The following TMEFF1 variants were observed in gnomAD, a reference collection of about 807,000 sequenced individuals.
The protein encoded by TMEFF1 is tomoregulin-1.
Under a neutral mutation model 47.5 loss-of-function variants are expected in TMEFF1, and 20 were observed. The observed-to-expected ratio is 0.42, with a 90% CI of 0.30 to 0.61. The LOEUF is 0.61. TMEFF1 is among the 20% of genes least tolerant of loss of function. The pLI, the probability that TMEFF1 is intolerant of heterozygous loss-of-function variation, is 0.19. For missense variants in TMEFF1, 411 were observed against 471.1 expected, an observed-to-expected ratio of 0.87 and a Z score of 1.18; for synonymous variants, 162 against 166.3, an observed-to-expected ratio of 0.97 and a Z score of 0.20.
rs376310161 is a variant in TMEFF1, at chr9:100,561,503, T to A, written c.882T>A (p.Thr294=). The A allele has an allele frequency of 6.2e-7, 1 of 1,612,972 alleles. No homozygotes were observed. Among genetic ancestry groups the A allele is most frequent in the African/African-American group, 1.3e-5 (1 of 74,998 alleles). The change falls in exon 8 of 10, where the codon ACT becomes ACA. Residue 294 remains threonine (T), a synonymous_variant. Coordinates refer to ENST00000374879, the MANE Select transcript of TMEFF1 (RefSeq NM_003692.5). The part of the protein sequence containing the change: ...IHGKCEFIYS[T]QKASCRCESG... The stretch of plus-strand genomic sequence containing the variant: ...GAAAATGTGAATTCATCTATTCTAC[T>A]CAGAAGGCTTCTTGTAGGTAAGTCA...
At position 100,473,326 on chromosome 9, in the gene TMEFF1, C is replaced by T; in HGVS notation, c.-219C>T. Reference sequence around the variant, plus strand: ...CCTCGCGCGCACCCTTGCGCGCCCGCGACCCTCGCACGCGCCCGGACCCGC... The same window carrying T: ...CCTCGCGCGCACCCTTGCGCGCCCGTGACCCTCGCACGCGCCCGGACCCGC... On this transcript the variant is annotated 5_prime_UTR_variant, in exon 1 of 10. Transcript: ENST00000374879. This position sits in a 1 kb window ranked among gnomAD's most constrained non-coding sequence, Gnocchi z 5.4. 4.9e-6 allele frequency: 1 copy of T among 203,960 alleles called. No individual in the cohort carries two copies. Among genetic ancestry groups the T allele is most frequent in the Non-Finnish European group, 9.4e-6 (1 of 106,330 alleles). The allele number at this position is 203,960 out of a possible 1,614,324, so 12.6% of individuals were successfully genotyped here.
intron 1 of TMEFF1, among the ~76,000 whole-genome samples, chr9:100,490,116 G>A (rs954251264): frequency 6.6e-6 from 1 of 152,138 alleles, no homozygotes; most frequent in African/African-American, 2.4e-5. Context: ...TATGCAAAAT[G>A]GAATGAAAAA....
intron 8 of TMEFF1, among the ~76,000 whole-genome samples, chr9:100,564,345 G>A (rs1564028685): frequency 6.6e-6 from 1 of 152,188 alleles, no homozygotes; most frequent in African/African-American, 2.4e-5. Context: ...AAAGTGCTGG[G>A]ATTACAGGCA....
chr9:100,562,181 G>A (rs751797201), intron 8 of TMEFF1, among the ~76,000 whole-genome samples: 1 of 152,104 alleles, frequency 6.6e-6, no homozygotes, highest in Admixed American at 6.5e-5. Context: ...TTAGCCAGGT[G>A]ATGTTTCTAT....
At chr9:100,507,850 T>C (rs1373453195) in intron 2 of TMEFF1, among the ~76,000 whole-genome samples, 1 of 152,218 alleles carries the variant, frequency 6.6e-6, no homozygotes, top group African/African-American at 2.4e-5. Flanking sequence ...CTGTTGGAAA[T>C]GGCTGTAATA....
intron 8 of TMEFF1, among the ~76,000 whole-genome samples, chr9:100,568,183 A>G (rs978765837): frequency 5.9e-5 from 9 of 152,184 alleles, no homozygotes; most frequent in African/African-American, 2.2e-4. Context: ...TCCAGGGAGA[A>G]CTGCAGGGAT....
chr9:100,486,545 A>G (rs141634732), intron 1 of TMEFF1, among the ~76,000 whole-genome samples: 34 of 152,338 alleles, frequency 2.2e-4, no homozygotes, highest in African/African-American at 6.3e-4. Context: ...CCCGGCCTGA[A>G]CTTTTAAAAA....
chr9:100,556,706 C>T (rs1409320049), intron 7 of TMEFF1, among the ~76,000 whole-genome samples: 1 of 152,110 alleles, frequency 6.6e-6, no homozygotes, highest in Non-Finnish European at 1.5e-5. Flanking sequence ...CTCCAAGGAC[C>T]CTTCCAGATC....
intron 5 of TMEFF1, among the ~76,000 whole-genome samples, chr9:100,541,407 A>C (rs1392666178): frequency 7.8e-6 from 1 of 127,488 alleles, no homozygotes; most frequent in Non-Finnish European, 1.6e-5. Flanking sequence ...GGAGTCTTAC[A>C]CTGTTGCCCA....
chr9:100,522,561 C>CGG (rs1457101003), intron 5 of TMEFF1, among the ~76,000 whole-genome samples: 1 of 151,030 alleles, frequency 6.6e-6, no homozygotes, highest in Non-Finnish European at 1.5e-5. Context: ...CTCAGCCTCC[C>CGG]AAGGAGCTGG....
chr9:100,502,704 C>T (rs1837787031), intron 2 of TMEFF1, among the ~76,000 whole-genome samples: 1 of 152,150 alleles, frequency 6.6e-6, no homozygotes, highest in East Asian at 1.9e-4. Context: ...CCCTGAAACT[C>T]TAAGATTATA....
chr9:100,476,408 T>A (rs935973846), intron 1 of TMEFF1, among the ~76,000 whole-genome samples: 63 of 152,162 alleles, frequency 4.1e-4, no homozygotes, highest in Non-Finnish European at 8.8e-4. Context: ...CATGTTTTTT[T>A]TTTTGAGATG....
chr9:100,489,864 C>G (rs1350915857), intron 1 of TMEFF1, among the ~76,000 whole-genome samples: 2 of 152,152 alleles, frequency 1.3e-5, no homozygotes, highest in African/African-American at 4.8e-5. Flanking sequence ...AGTGTCACAG[C>G]TCTGAGATCT....
intron 1 of TMEFF1, among the ~76,000 whole-genome samples, chr9:100,474,674 AAG>A (rs749611688): frequency 1.3e-5 from 2 of 151,494 alleles, no homozygotes; most frequent in South Asian, 2.1e-4. Context: ...AAAGTGTGGA[AAG>A]AGAGAATTGG....
chr9:100,473,599 G>T lies in TMEFF1; in HGVS notation c.55G>T (p.Ala19Ser). The change falls in exon 1 of 10, where the codon GCC becomes TCC. Residue 19 changes from alanine to serine, a missense_variant. Physicochemically the swap from Ala to Ser is moderately conservative, Grantham distance 99 (BLOSUM62 1). Coordinates refer to ENST00000374879, the MANE Select transcript of TMEFF1 (RefSeq NM_003692.5). The surrounding 1 kb of genome is among the most constrained non-coding windows in gnomAD (Gnocchi z 5.4). The stretch of plus-strand genomic sequence containing the variant: ...CCGGCTGCCTGCCGCGCCTCCGCTC[G>T]CCTTCTGCTGCTACACGTCGGTGCT... Reference protein sequence around the residue: ...PLRLPAAPPLAFCCYTSVLLL... With the variant: ...PLRLPAAPPLSFCCYTSVLLL... 1 of 1,553,922 alleles carries T rather than the reference G, an allele frequency of 6.4e-7. No individual in the cohort carries two copies. Among genetic ancestry groups the T allele is most frequent in the South Asian group, 1.2e-5 (1 of 83,260 alleles).
At chr9:100,478,665 CAG>C (rs1246409564) in intron 1 of TMEFF1, among the ~76,000 whole-genome samples, 1 of 152,020 alleles carries the variant, frequency 6.6e-6, no homozygotes, top group Non-Finnish European at 1.5e-5. Flanking sequence ...GCTAACTTAA[CAG>C]AAAGTTCCCA....
At chr9:100,488,652 T>C (rs1298251264) in intron 1 of TMEFF1, among the ~76,000 whole-genome samples, 1 of 152,186 alleles carries the variant, frequency 6.6e-6, no homozygotes, top group Non-Finnish European at 1.5e-5. Context: ...ATATCTTTAA[T>C]CCTCCGTCAG....
chr9:100,576,049 A>G (rs1034875369), intron 9 of TMEFF1, among the ~76,000 whole-genome samples: 6 of 152,148 alleles, frequency 3.9e-5, no homozygotes, highest in African/African-American at 1.4e-4. Flanking sequence ...GAGGTTAATA[A>G]GCACACTTCT....
chr9:100,555,381 T>G (rs984068400), intron 7 of TMEFF1, among the ~76,000 whole-genome samples: 2 of 152,196 alleles, frequency 1.3e-5, no homozygotes, highest in African/African-American at 4.8e-5. Flanking sequence ...CTTTTTATCT[T>G]TCCTTTTTGA....
Sources: allele counts gnomAD v4.1 joint callset (sites outside exome capture counted in the v4.1 genomes callset), GRCh38; gene constraint gnomAD v4.1.1; non-coding constraint Gnocchi (gnomAD v3.1); transcripts MANE v1.5; gene names NCBI Gene and HGNC (gene_info 2026-07-23, HGNC 2026-07-21).